USP37: variants seen among roughly 807,000 people sequenced by gnomAD.
The protein encoded by USP37 is ubiquitin specific peptidase 37.
A neutral mutation model predicts 124.0 loss-of-function variants in USP37; 27 were observed. The ratio of observed to expected loss-of-function variants is 0.22; its 90% CI spans 0.16 to 0.30. USP37 has a LOEUF of 0.30. USP37 is among the 10% of genes least tolerant of loss of function. USP37 has a pLI of 1.00. For missense variants in USP37, 889 were observed against 1,140.4 expected, an observed-to-expected ratio of 0.78 and a Z score of 3.17; for synonymous variants, 365 against 388.0, an observed-to-expected ratio of 0.94 and a Z score of 0.70.
intron 22 of USP37, among the ~76,000 whole-genome samples, chr2:218,462,845 C>T (rs926705142): frequency 6.6e-6 from 1 of 151,988 alleles, no homozygotes; most frequent in African/African-American, 2.4e-5. Flanking sequence ...AAGGTTACTT[C>T]TAAGGTTCTA....
chr2:218,561,187 T>G (rs546663316), intron 2 of USP37, among the ~76,000 whole-genome samples: 1 of 152,318 alleles, frequency 6.6e-6, no homozygotes, highest in African/African-American at 2.4e-5. Flanking sequence ...AATTTGTGAC[T>G]TTATTGTTGG....
At chr2:218,540,034 C>A (rs1184571277) in intron 8 of USP37, among the ~76,000 whole-genome samples, 1 of 151,696 alleles carries the variant, frequency 6.6e-6, no homozygotes, top group Non-Finnish European at 1.5e-5. Flanking sequence ...TTTTTTATTT[C>A]TTTGTTGAGA....
chr2:218,498,423 T>G, intron 11 of USP37: 1 of 233,790 alleles, frequency 4.3e-6, no homozygotes, highest in Non-Finnish European at 8.3e-6. Flanking sequence ...TGAGAACTAC[T>G]GCATTATGAC....
At chr2:218,476,157 A>T (rs1236958174) in intron 19 of USP37, among the ~76,000 whole-genome samples, 1 of 152,224 alleles carries the variant, frequency 6.6e-6, no homozygotes, top group African/African-American at 2.4e-5. Context: ...TTAGATCTTC[A>T]AAGTATTAAC....
intron 5 of USP37, among the ~76,000 whole-genome samples, chr2:218,550,617 CA>C (rs1182576898): frequency 7.4e-5 from 8 of 108,458 alleles, no homozygotes; most frequent in Admixed American, 1.0e-4. Flanking sequence ...TTACAGTCCT[CA>C]AAAAAAAAAG....
chr2:218,466,325 G>A (rs916153248), intron 20 of USP37, 149 bp from the exon 21 acceptor site: 3 of 910,946 alleles, frequency 3.3e-6, no homozygotes, highest in Admixed American at 3.0e-5. Context: ...CTAGATCTAC[G>A]TCAGGGTTGA....
At chr2:218,550,900 C>T (rs1360001789) in intron 5 of USP37, among the ~76,000 whole-genome samples, 2 of 151,892 alleles carry the variant, frequency 1.3e-5, no homozygotes, top group Non-Finnish European at 1.5e-5. Flanking sequence ...TATTTTCTTC[C>T]TTTGTCTTTT....
chr2:218,488,129 T>C (rs925350395), intron 15 of USP37, among the ~76,000 whole-genome samples, 175 bp downstream of exon 15: 2 of 141,042 alleles, frequency 1.4e-5, no homozygotes, highest in African/African-American at 2.7e-5. Flanking sequence ...TGAGCTGAGA[T>C]TGTGCAACTG....
intron 14 of USP37, 83 bp from the exon 15 acceptor site, chr2:218,488,504 C>T (rs1474657182): frequency 4.5e-6 from 4 of 887,362 alleles, no homozygotes; most frequent in South Asian, 1.9e-5. Context: ...TGTTCTTCCA[C>T]AGAACTTATG....
chr2:218,563,094 T>A (rs1443899092), intron 1 of USP37, among the ~76,000 whole-genome samples: 1 of 144,422 alleles, frequency 6.9e-6, no homozygotes, highest in African/African-American at 2.6e-5. Context: ...ACCCAGGAGG[T>A]GGAGGTTGCA....
At chr2:218,528,264 A>G (rs1691092597) in intron 10 of USP37, 1 of 152,074 alleles carries the variant, frequency 6.6e-6, no homozygotes, top group Admixed American at 6.6e-5. Context: ...ATAGACTACC[A>G]TTACCCTCAC....
At chr2:218,514,941 A>G (rs565435773) in intron 10 of USP37, among the ~76,000 whole-genome samples, 49 of 152,190 alleles carry the variant, frequency 3.2e-4, no homozygotes, top group African/African-American at 1.1e-3. Context: ...TAATTGTTCT[A>G]GTTTGGGCCA....
chr2:218,480,398 CAAAAAAAAAAAAA>C (rs397868988), intron 17 of USP37, among the ~76,000 whole-genome samples: 5 of 48,830 alleles, frequency 1.0e-4, no homozygotes, highest in African/African-American at 2.5e-4. Context: ...GACTCCGTCT[CAAAAAAAAAAAAA>C]AAAAAAAAAA....
chr2:218,535,150 G>C (rs1398708941), intron 8 of USP37, among the ~76,000 whole-genome samples: 1 of 151,748 alleles, frequency 6.6e-6, no homozygotes, highest in Admixed American at 6.6e-5. Flanking sequence ...CAGATCGCGA[G>C]GTCAGGAGTT....
chr2:218,529,630 C>CT (rs931514217), intron 10 of USP37, among the ~76,000 whole-genome samples: 21 of 151,160 alleles, frequency 1.4e-4, no homozygotes, highest in East Asian at 3.9e-4. Context: ...GATCTTGTCT[C>CT]TTTTTTTTTG....
At chr2:218,486,617 T>G (rs528790855) in intron 15 of USP37, among the ~76,000 whole-genome samples, 8 of 152,284 alleles carry the variant, frequency 5.3e-5, no homozygotes, top group Non-Finnish European at 8.8e-5. Flanking sequence ...GAAGCAGGGT[T>G]TTGCCGTGTT....
intron 14 of USP37, among the ~76,000 whole-genome samples, chr2:218,494,798 T>G (rs1298523521): frequency 6.6e-6 from 1 of 152,202 alleles, no homozygotes; most frequent in Admixed American, 6.5e-5. Context: ...GAAGTCCTGA[T>G]AAGTATGGAA....
intron 3 of USP37, among the ~76,000 whole-genome samples, chr2:218,560,396 C>G (rs1166751950): frequency 6.6e-6 from 1 of 152,158 alleles, no homozygotes; most frequent in African/African-American, 2.4e-5. Context: ...TAAGTTTTCT[C>G]AACCACAAAA....
At chr2:218,485,295 G>T (rs1002648185) in intron 16 of USP37, among the ~76,000 whole-genome samples, 1 of 151,726 alleles carries the variant, frequency 6.6e-6, no homozygotes, top group Non-Finnish European at 1.5e-5. Context: ...TATTTCAAAC[G>T]CTTTTCCTTC....
Sources: gnomAD v4.1 joint callset for allele counts (sites outside exome capture counted in the v4.1 genomes callset) on GRCh38, gnomAD v4.1.1 for gene constraint, MANE v1.5 for transcripts, NCBI Gene and HGNC (gene_info 2026-07-23, HGNC 2026-07-21) for gene names.